ZBTB16: variants seen among roughly 807,000 people sequenced by gnomAD.
ZBTB16 encodes the protein zinc finger and BTB domain-containing protein 16.
A neutral mutation model predicts 56.8 loss-of-function variants in ZBTB16; 8 were observed. That is an observed-to-expected ratio of 0.14 (90% CI 0.08 to 0.25). ZBTB16 has a LOEUF of 0.25. ZBTB16 is among the 10% of genes least tolerant of loss of function. The pLI is 1.00. For synonymous variants in ZBTB16, 363 were observed against 368.5 expected (o/e 0.98, Z 0.17); for missense variants, 625 against 903.0 (o/e 0.69, Z 3.95).
intron 4 of ZBTB16, among the ~76,000 whole-genome samples, chr11:114,220,223 G>A (rs570117341): frequency 1.3e-5 from 2 of 152,356 alleles, no homozygotes; most frequent in East Asian, 3.9e-4. Context: ...TCAGGCAGAA[G>A]CAGACTTCCA....
At chr11:114,185,073 T>C (rs1304103477) in intron 3 of ZBTB16, among the ~76,000 whole-genome samples, 1 of 151,942 alleles carries the variant, frequency 6.6e-6, no homozygotes, top group African/African-American at 2.4e-5. Flanking sequence ...TCAGGCATGG[T>C]GGCGTGCACC....
chr11:114,119,363 T>C (rs552295170), intron 2 of ZBTB16, among the ~76,000 whole-genome samples: 1 of 148,770 alleles, frequency 6.7e-6, no homozygotes, highest in South Asian at 2.2e-4. Flanking sequence ...TGTGTGTGTG[T>C]GTTTGTGTCT....
chr11:114,103,973 A>T (rs1226284435), intron 2 of ZBTB16, among the ~76,000 whole-genome samples: 2 of 152,176 alleles, frequency 1.3e-5, no homozygotes, highest in African/African-American at 4.8e-5. Context: ...GGTTATCCAC[A>T]TCAGTTTCTT....
In ZBTB16 at chr11:114,063,351, C is replaced by G. The variant is rs779704651; in HGVS notation, c.51C>G (p.Pro17=). 17 of 1,614,148 alleles carry G rather than the reference C, an allele frequency of 1.1e-5. 1 individual carries two copies. In the South Asian group the frequency reaches 1.8e-4, roughly 17 times the overall value. ...TCCAGCTGCAGAACCCTAGCCACCC[C>G]ACGGGGCTACTGTGCAAGGCCAACC... ...GMIQLQNPSH[P]TGLLCKANQM... Residue 17 remains proline, a synonymous_variant, in exon 2 of 7, where the codon CCC becomes CCG. Coordinates refer to ENST00000335953, the MANE Select transcript of ZBTB16 (RefSeq NM_006006.6). This position sits in a 1 kb window ranked among gnomAD's most constrained non-coding sequence, Gnocchi z 6.5.
At chr11:114,171,143 A>G (rs1942956328) in intron 3 of ZBTB16, among the ~76,000 whole-genome samples, 1 of 152,184 alleles carries the variant, frequency 6.6e-6, no homozygotes, top group South Asian at 2.1e-4. Context: ...ATCACAGTGC[A>G]CTGTCTTCAT....
chr11:114,083,745 C>T (rs919036803), intron 2 of ZBTB16, among the ~76,000 whole-genome samples: 24 of 152,170 alleles, frequency 1.6e-4, no homozygotes, highest in Admixed American at 6.6e-5. Flanking sequence ...AGGGAAGTAA[C>T]TGTTCTTTGA....
chr11:114,221,356 T>G (rs912337516), intron 4 of ZBTB16, among the ~76,000 whole-genome samples: 1 of 152,244 alleles, frequency 6.6e-6, no homozygotes, highest in Non-Finnish European at 1.5e-5. Context: ...CACTGGGGTC[T>G]TTCATCCTTT....
In ZBTB16 at chr11:114,072,444, G is replaced by A. The variant is rs181517883; in HGVS notation, c.1268+7876G>A. Among the ~76,000 whole-genome samples, 9 of 152,304 alleles carry A rather than the reference G, an allele frequency of 5.9e-5. No homozygotes were observed. In the South Asian group the frequency reaches 1.0e-3, roughly 18 times the overall value. On this transcript the variant is annotated intron_variant, in intron 2 of 6. Coordinates refer to ENST00000335953, the MANE Select transcript of ZBTB16 (RefSeq NM_006006.6). ...CTGTTGCCTGTGCACGTGGCCAGGC[G>A]TGCACATCACTGTGCTTATGAGAGA... is the stretch of plus-strand genomic sequence containing the variant.
At chr11:114,227,227 A>C (rs990139086) in intron 4 of ZBTB16, among the ~76,000 whole-genome samples, 2 of 152,066 alleles carry the variant, frequency 1.3e-5, no homozygotes, top group Admixed American at 6.6e-5. Flanking sequence ...ACAGTGGCCC[A>C]TCACCCCCAG....
At chr11:114,159,942 G>GT (rs1555145911) in intron 3 of ZBTB16, among the ~76,000 whole-genome samples, 1 of 148,012 alleles carries the variant, frequency 6.8e-6, no homozygotes, top group South Asian at 2.2e-4. Context: ...GGAGGCGGGG[G>GT]GGAGGCGAGC....
At chr11:114,197,509 GTC>G (rs1457342532) in intron 4 of ZBTB16, among the ~76,000 whole-genome samples, 1 of 152,068 alleles carries the variant, frequency 6.6e-6, no homozygotes, top group Non-Finnish European at 1.5e-5. Flanking sequence ...GTGCAGAACT[GTC>G]TCTCCAACCT....
intron 2 of ZBTB16, among the ~76,000 whole-genome samples, chr11:114,134,297 T>C (rs555479976): frequency 1.3e-5 from 2 of 152,336 alleles, no homozygotes; most frequent in Non-Finnish European, 2.9e-5. Flanking sequence ...TCTGGTTGCA[T>C]TGCTGCCAAA....
chr11:114,140,401 T>G (rs1423842934), intron 2 of ZBTB16, among the ~76,000 whole-genome samples: 1 of 152,222 alleles, frequency 6.6e-6, no homozygotes, highest in Non-Finnish European at 1.5e-5. Context: ...GAGGGTAGGT[T>G]GGTGTCTTAT....
chr11:114,160,819 A>C (rs1257232745), intron 3 of ZBTB16, among the ~76,000 whole-genome samples: 1 of 152,200 alleles, frequency 6.6e-6, no homozygotes, highest in Non-Finnish European at 1.5e-5. Context: ...TGATCTGGCC[A>C]GGCCCTGCAT....
At chr11:114,139,943 G>C (rs944618512) in intron 2 of ZBTB16, among the ~76,000 whole-genome samples, 2 of 152,172 alleles carry the variant, frequency 1.3e-5, no homozygotes, top group African/African-American at 2.4e-5. Flanking sequence ...CTCCTAGAGC[G>C]TGTCAGACCT....
At chr11:114,157,876 G>T (rs1016582824) in intron 3 of ZBTB16, among the ~76,000 whole-genome samples, 1 of 152,140 alleles carries the variant, frequency 6.6e-6, no homozygotes, top group Admixed American at 6.5e-5. Flanking sequence ...CTTCCTTCCT[G>T]TGGGCCCTCC....
chr11:114,239,432 A>T (rs1038469129), intron 4 of ZBTB16, among the ~76,000 whole-genome samples: 1 of 152,032 alleles, frequency 6.6e-6, no homozygotes, highest in African/African-American at 2.4e-5. Context: ...GAGGGAGTAG[A>T]TGCTGGGGGC....
At chr11:114,224,878 A>T (rs1407867707) in intron 4 of ZBTB16, among the ~76,000 whole-genome samples, 1 of 152,212 alleles carries the variant, frequency 6.6e-6, no homozygotes, top group East Asian at 1.9e-4. Flanking sequence ...TCTTAGTGAC[A>T]TGGGAGTCGC....
At chr11:114,148,729 G>A (rs928783478) in intron 2 of ZBTB16, among the ~76,000 whole-genome samples, 6 of 151,560 alleles carry the variant, frequency 4.0e-5, no homozygotes, top group African/African-American at 7.3e-5. Flanking sequence ...TCCTGACCTC[G>A]TTATCTGCCG....
Sources: gnomAD v4.1 joint callset for allele counts (sites outside exome capture counted in the v4.1 genomes callset) on GRCh38, gnomAD v4.1.1 for gene constraint, Gnocchi (gnomAD v3.1) non-coding constraint, MANE v1.5 for transcripts, NCBI Gene and HGNC (gene_info 2026-07-23, HGNC 2026-07-21) for gene names.